GARRE1: variants seen among roughly 807,000 people sequenced by gnomAD.
GARRE1 encodes the protein granule associated Rac and RHOG effector protein 1.
A neutral mutation model predicts 103.2 loss-of-function variants in GARRE1; 49 were observed. That is an observed-to-expected ratio of 0.47 (90% CI 0.38 to 0.60). The LOEUF (loss-of-function observed/expected upper bound fraction) is 0.60, where lower values mean the gene tolerates loss of function less well. Among genes scored for constraint, GARRE1 ranks in the 20% least tolerant of loss-of-function variants. GARRE1 has a pLI of 0.00. For synonymous variants in GARRE1, 505 were observed against 532.8 expected, an observed-to-expected ratio of 0.95 and a Z score of 0.72; for missense variants, 1,199 against 1,370.5, an observed-to-expected ratio of 0.87 and a Z score of 1.98.
chr19:34,300,806 A>G lies in GARRE1; in HGVS notation c.333A>G (p.Ser111=), dbSNP rs376785044. The G allele has an allele frequency of 1.2e-5, 20 of 1,614,114 alleles. No homozygotes were observed. Among genetic ancestry groups the G allele is most frequent in the Non-Finnish European group, 1.7e-5 (20 of 1,180,044 alleles). The part of the protein sequence containing the change: ...FSTVFRNSHY[S]KAATQLKDVQ... ...CTGTGTTCAGGAACTCTCACTACTC[A>G]AAGGCAGCCACACAGCTCAAAGATG... is the stretch of plus-strand genomic sequence containing the variant. The change falls in exon 2 of 14, where the codon TCA becomes TCG. Residue 111 remains serine, a synonymous_variant. Transcript: ENST00000299505.
At chr19:34,303,708 C>G (rs1001546990) in intron 2 of GARRE1, among the ~76,000 whole-genome samples, 1 of 151,694 alleles carries the variant, frequency 6.6e-6, no homozygotes, top group African/African-American at 2.4e-5. Context: ...CTCCGCTGCC[C>G]GGGTTCAAGC....
intron 2 of GARRE1, among the ~76,000 whole-genome samples, chr19:34,302,509 GTC>G (rs765373477): frequency 1.3e-3 from 204 of 151,726 alleles, no homozygotes; most frequent in Non-Finnish European, 2.1e-3. Context: ...GGCCAGGCCG[GTC>G]TCGAACTCCT....
rs1432542232 is a variant in GARRE1 at position 34,353,217 on chromosome 19, A to G, written c.*262A>G. The G allele has an allele frequency of 5.6e-5, 27 of 482,248 alleles. No homozygotes were observed. The Admixed American group carries it at 8.9e-4, about 16-fold the overall frequency. 29.9% of individuals were successfully genotyped at this position (482,248 alleles called of 1,614,324 possible). ...TTCAGGGGCTTGCTAGGGAACCTGC[A>G]TGCCTAGTAAGCGCCACAGGTGACT... On this transcript the variant is annotated 3_prime_UTR_variant, in exon 14 of 14. Transcript: ENST00000299505.
At chr19:34,322,802 G>A (rs948991743) in intron 3 of GARRE1, among the ~76,000 whole-genome samples, 1 of 151,618 alleles carries the variant, frequency 6.6e-6, no homozygotes, top group Admixed American at 6.6e-5. Context: ...TGGCCAGGAT[G>A]GTCTCAAACT....
chr19:34,270,596 G>C (rs973770857), intron 1 of GARRE1, among the ~76,000 whole-genome samples: 3 of 152,094 alleles, frequency 2.0e-5, no homozygotes, highest in African/African-American at 7.2e-5. Context: ...TCTTTGAGGG[G>C]GGCCTCAGCC....
chr19:34,288,870 G>A (rs1310065293), intron 1 of GARRE1, among the ~76,000 whole-genome samples: 1 of 152,246 alleles, frequency 6.6e-6, no homozygotes, highest in African/African-American at 2.4e-5. Context: ...CTTGGCTCAT[G>A]CCTGTAATCC....
At position 34,264,302 on chromosome 19, in the gene GARRE1, G is replaced by T. The variant is rs532497817; in HGVS notation, c.-796+9688G>T. Among the ~76,000 whole-genome samples the T allele has an allele frequency of 9.0e-4, 137 of 152,260 alleles. 2 individuals are homozygous for T. Among genetic ancestry groups the T allele is most frequent in the Non-Finnish European group, 1.1e-3 (78 of 68,028 alleles). On this transcript the variant is annotated intron_variant, in intron 1 of 13. Coordinates refer to ENST00000299505, the MANE Select transcript of GARRE1 (RefSeq NM_014686.5). The stretch of plus-strand genomic sequence containing the variant: ...AACACAAAGGGACTTTTTCCATGTT[G>T]TGTGTCCCAGCCAGCCTGAGGCAGG...
At chr19:34,339,599 G>A (rs960087390) in intron 8 of GARRE1, among the ~76,000 whole-genome samples, 1 of 152,150 alleles carries the variant, frequency 6.6e-6, no homozygotes, top group African/African-American at 2.4e-5. Context: ...AATCTCAAGG[G>A]TTTTAGGAGC....
chr19:34,333,081 C>T (rs2074144690), intron 7 of GARRE1, among the ~76,000 whole-genome samples: 1 of 152,158 alleles, frequency 6.6e-6, no homozygotes, highest in African/African-American at 2.4e-5. Context: ...GAGTCTTGGT[C>T]TGTTGCTCAG....
intron 1 of GARRE1, among the ~76,000 whole-genome samples, chr19:34,282,418 C>A (rs373024043): frequency 6.6e-6 from 1 of 152,084 alleles, no homozygotes; most frequent in South Asian, 2.1e-4. Context: ...CCAAAGTGCT[C>A]GGATTACAGG....
At chr19:34,349,533 G>GGATA (rs1420156770) in intron 12 of GARRE1, among the ~76,000 whole-genome samples, 1 of 152,204 alleles carries the variant, frequency 6.6e-6, no homozygotes, top group Non-Finnish European at 1.5e-5. Flanking sequence ...TATTAAAGAT[G>GGATA]GATAAAATGA....
chr19:34,257,164 T>TCC (rs1568518632), intron 1 of GARRE1, among the ~76,000 whole-genome samples: 5 of 150,018 alleles, frequency 3.3e-5, no homozygotes, highest in Non-Finnish European at 7.4e-5. Flanking sequence ...AGCATCCTTT[T>TCC]TTTTTTTTTT....
At chr19:34,323,698 A>G (rs894723149) in intron 3 of GARRE1, among the ~76,000 whole-genome samples, 1 of 152,042 alleles carries the variant, frequency 6.6e-6, no homozygotes, top group African/African-American at 2.4e-5. Flanking sequence ...GCTGGGCCCC[A>G]GCCTCCTGAC....
chr19:34,313,463 G>A (rs1599768644), intron 2 of GARRE1, among the ~76,000 whole-genome samples: 1 of 152,322 alleles, frequency 6.6e-6, no homozygotes, highest in East Asian at 1.9e-4. Flanking sequence ...CCGGCTGGGA[G>A]TGTCCCTGTC....
intron 2 of GARRE1, among the ~76,000 whole-genome samples, chr19:34,308,430 ACTTGCTAATT>A (rs1264690376): frequency 1.3e-5 from 2 of 152,112 alleles, no homozygotes. Flanking sequence ...CAGTTTTGAA[ACTTGCTAATT>A]TCAGGTCAGT....
At chr19:34,263,638 T>C (rs1434524488) in intron 1 of GARRE1, among the ~76,000 whole-genome samples, 1 of 151,884 alleles carries the variant, frequency 6.6e-6, no homozygotes, top group Admixed American at 6.6e-5. Context: ...CCACTACGTC[T>C]GGCTAATTTT....
At chr19:34,351,383 G>T in intron 12 of GARRE1, 131 bp from the exon 13 acceptor site, 1 of 692,222 alleles carries the variant, frequency 1.4e-6, no homozygotes, top group East Asian at 2.6e-5. Context: ...TTATGCCATT[G>T]ACCCAGGCAG....
At chr19:34,268,278 A>C (rs2073764909) in intron 1 of GARRE1, among the ~76,000 whole-genome samples, 1 of 152,140 alleles carries the variant, frequency 6.6e-6, no homozygotes. Context: ...CTTTTTCGGA[A>C]GTTTAGGAGC....
chr19:34,278,423 T>A (rs889140772), intron 1 of GARRE1, among the ~76,000 whole-genome samples: 2 of 124,782 alleles, frequency 1.6e-5, no homozygotes, highest in Non-Finnish European at 3.1e-5. Context: ...CCAGCCTGGG[T>A]GACAGAGCAA....
Sources: allele counts gnomAD v4.1 joint callset (sites outside exome capture counted in the v4.1 genomes callset), GRCh38; gene constraint gnomAD v4.1.1; transcripts MANE v1.5; gene names NCBI Gene and HGNC (gene_info 2026-07-23, HGNC 2026-07-21).